AMMECR1: variants seen among roughly 807,000 people sequenced by gnomAD.
AMMECR1 encodes the protein nuclear protein AMMECR1.
A neutral mutation model predicts 22.5 loss-of-function variants in AMMECR1; 3 were observed. That is an observed-to-expected ratio of 0.13 (90% CI 0.06 to 0.35). AMMECR1 has a LOEUF of 0.35. AMMECR1 is among the 10% of genes least tolerant of loss of function. The pLI is 1.00. For missense variants in AMMECR1, 235 were observed against 278.7 expected (o/e 0.84, Z 1.12); for synonymous variants, 130 against 116.7 (o/e 1.11, Z -0.74).
intron 2 of AMMECR1, chrX:110,225,073 T>G (rs765518705): frequency 8.1e-6 from 3 of 368,981 alleles, no homozygotes; most frequent in Non-Finnish European, 1.6e-5. Flanking sequence ...CCAAACAGTT[T>G]TGATTGAGTA....
At chrX:110,366,644 A>G (rs1313134108) in intron 2 of AMMECR1, among the ~76,000 whole-genome samples, 6 of 111,523 alleles carry the variant, frequency 5.4e-5, no homozygotes, top group Non-Finnish European at 7.5e-5. Context: ...ACTGTTTAGC[A>G]TACACCCTAG....
chrX:110,216,874 T>C (rs981759335), intron 2 of AMMECR1, among the ~76,000 whole-genome samples: 4 of 111,329 alleles, frequency 3.6e-5, no homozygotes, highest in African/African-American at 3.3e-5. Context: ...GAGAGAATCA[T>C]CAATTACATT....
In AMMECR1 at chrX:110,251,090, AAAAG is replaced by A. The variant is rs1031861602; in HGVS notation, c.584+13395_584+13398del. 4.2e-4 allele frequency among the ~76,000 whole-genome samples: 47 copies of A among 112,219 alleles called. 1 individual carries two copies. Among genetic ancestry groups the A allele is most frequent in the Admixed American group, 3.8e-3 (40 of 10,538 alleles). ...GATATAAGCTAACATATGCAAACAGAAAAGAAAGAGAGTAGAATGGTTATCAGGA... is the reference window on the plus strand; with the variant it reads ...GATATAAGCTAACATATGCAAACAGAAAAGAGAGTAGAATGGTTATCAGGA... On this transcript the variant is annotated intron_variant, in intron 2 of 5. Transcript: ENST00000262844.
chrX:110,234,815 A>G (rs777673788), intron 2 of AMMECR1, among the ~76,000 whole-genome samples: 10 of 112,076 alleles, frequency 8.9e-5, no homozygotes, highest in South Asian at 3.7e-4. Context: ...CTTACACCTT[A>G]TACAAAAATT....
chrX:110,344,997 A>C (rs1457591525), intron 2 of AMMECR1, among the ~76,000 whole-genome samples: 4 of 112,312 alleles, frequency 3.6e-5, no homozygotes, highest in African/African-American at 9.7e-5. Context: ...ATTACTGGGT[A>C]TATATCCAAA....
intron 2 of AMMECR1, among the ~76,000 whole-genome samples, chrX:110,357,173 A>T (rs1050252312): frequency 1.8e-5 from 2 of 111,916 alleles, no homozygotes; most frequent in African/African-American, 3.2e-5. Flanking sequence ...AAAGATTTAA[A>T]TGAAAATTTA....
Position 110,398,951 on chromosome X carries a change from A to G in AMMECR1, c.-148+27707T>C, listed in dbSNP as rs1176917921. Among the ~76,000 whole-genome samples, 5 of 112,205 alleles carry G rather than the reference A, an allele frequency of 4.5e-5. No individual in the cohort carries two copies. The East Asian group carries it at 1.4e-3, about 31-fold the overall frequency. On this transcript the variant is annotated intron_variant, in intron 2 of 7. Transcript: ENST00000372057. ...TATGTTTTTGCTCATTAGGAAAAAA[A>G]TGCTATGACTGATTATTGATACCTG...
chrX:110,389,009 A>T (rs1286542031), intron 2 of AMMECR1, among the ~76,000 whole-genome samples: 1 of 112,207 alleles, frequency 8.9e-6, no homozygotes, highest in Non-Finnish European at 1.9e-5. Context: ...TTCCTGATTC[A>T]TTTTACTAGT....
At chrX:110,236,401 A>G (rs1040654523) in intron 2 of AMMECR1, among the ~76,000 whole-genome samples, 1 of 112,155 alleles carries the variant, frequency 8.9e-6, no homozygotes, top group Non-Finnish European at 1.9e-5. Context: ...GAAAAAAAAA[A>G]GAGGAAGACA....
intron 2 of AMMECR1, among the ~76,000 whole-genome samples, chrX:110,382,765 C>T (rs1054202161): frequency 8.9e-6 from 1 of 111,966 alleles, no homozygotes; most frequent in Admixed American, 9.4e-5. Flanking sequence ...TGAATCAAAG[C>T]CCTTCTCCCC....
intron 1 of AMMECR1, among the ~76,000 whole-genome samples, chrX:110,303,192 G>A (rs1428962299): frequency 1.8e-5 from 2 of 111,783 alleles, no homozygotes; most frequent in African/African-American, 6.5e-5. Context: ...GAAATAAACA[G>A]AAGCAAAGGT....
intron 1 of AMMECR1, among the ~76,000 whole-genome samples, chrX:110,427,649 T>A (rs144510544): frequency 0.016 from 1,814 of 111,944 alleles, 24 homozygotes; most frequent in African/African-American, 0.056. Flanking sequence ...TTTTTAAAGT[T>A]CCCCAGGTGC....
chrX:110,367,369 A>T (rs1331448780), intron 2 of AMMECR1, among the ~76,000 whole-genome samples: 1 of 110,735 alleles, frequency 9.0e-6, no homozygotes, highest in Admixed American at 9.6e-5. Context: ...TGCCATCATC[A>T]CTCCACCAAA....
intron 2 of AMMECR1, among the ~76,000 whole-genome samples, chrX:110,386,334 T>A (rs1225458208): frequency 9.1e-6 from 1 of 109,900 alleles, no homozygotes; most frequent in African/African-American, 3.3e-5. Context: ...ATTATTATTT[T>A]TATTATATTT....
chrX:110,221,359 G>A (rs546170862), intron 2 of AMMECR1, among the ~76,000 whole-genome samples: 2 of 111,390 alleles, frequency 1.8e-5, no homozygotes, highest in Non-Finnish European at 3.8e-5. Context: ...ATTATCTACC[G>A]CTCTGTCTCA....
intron 2 of AMMECR1, among the ~76,000 whole-genome samples, chrX:110,426,008 A>T (rs865858326): frequency 7.1e-5 from 8 of 112,326 alleles, no homozygotes; most frequent in Admixed American, 9.4e-5. Context: ...AAACGCACAC[A>T]CACACACACA....
intron 1 of AMMECR1, among the ~76,000 whole-genome samples, chrX:110,427,603 T>A (rs1343507812): frequency 1.8e-5 from 2 of 111,846 alleles, no homozygotes; most frequent in East Asian, 5.6e-4. Flanking sequence ...AGTAATTAAA[T>A]CAGTTTCTAG....
At chrX:110,219,699 C>T in intron 2 of AMMECR1, 15 of 512,364 alleles carry the variant, frequency 2.9e-5, no homozygotes, top group Non-Finnish European at 3.3e-5. Flanking sequence ...AATGGTGCCT[C>T]ACCATGTCAA....
At chrX:110,250,920 A>G (rs995938795) in intron 2 of AMMECR1, among the ~76,000 whole-genome samples, 2 of 112,005 alleles carry the variant, frequency 1.8e-5, no homozygotes, top group African/African-American at 6.5e-5. Context: ...CCTCATGTCA[A>G]TTTGTTTTCT....
Sources: allele counts gnomAD v4.1 joint callset (sites outside exome capture counted in the v4.1 genomes callset), GRCh38; gene constraint gnomAD v4.1.1; transcripts MANE v1.5; gene names NCBI Gene and HGNC (gene_info 2026-07-23, HGNC 2026-07-21).